Variants in DYRK1A observed in about 807,000 individuals in gnomAD.
DYRK1A encodes dual specificity tyrosine-phosphorylation-regulated kinase 1A.
In DYRK1A, 9 loss-of-function variants were observed where a neutral mutation model predicts 79.7. The ratio of observed to expected loss-of-function variants is 0.11; its 90% confidence interval spans 0.07 to 0.20. The LOEUF (loss-of-function observed/expected upper bound fraction) is 0.20. DYRK1A is among the 10% of genes least tolerant of loss of function. The pLI, the probability that DYRK1A is intolerant of heterozygous loss-of-function variation, is 1.00. For missense variants in DYRK1A, 622 were observed against 956.0 expected, an observed-to-expected ratio of 0.65 and a Z score of 4.61; for synonymous variants, 349 against 329.7, an observed-to-expected ratio of 1.06 and a Z score of -0.63.
chr21:37,487,529 T>G (rs2052915421), intron 6 of DYRK1A: 1 of 152,150 alleles, frequency 6.6e-6, no homozygotes, highest in African/African-American at 2.4e-5. Context: ...ATGCCATCAA[T>G]CGAAGATACA....
chr21:37,436,066 A>G (rs879319238), intron 2 of DYRK1A, among the ~76,000 whole-genome samples: 6 of 152,212 alleles, frequency 3.9e-5, no homozygotes, highest in Non-Finnish European at 7.3e-5. Context: ...TAAAAATTCA[A>G]GATGACCATA....
chr21:37,449,787 T>C (rs553100360), intron 2 of DYRK1A, among the ~76,000 whole-genome samples: 4 of 152,206 alleles, frequency 2.6e-5, no homozygotes, highest in Non-Finnish European at 5.9e-5. Flanking sequence ...TATCCTGTTT[T>C]TGAGGTGATG....
intron 1 of DYRK1A, among the ~76,000 whole-genome samples, chr21:37,403,779 G>A (rs753186636): frequency 6.0e-5 from 9 of 150,024 alleles, no homozygotes; most frequent in African/African-American, 9.8e-5. Flanking sequence ...TGCTTCCCTT[G>A]GAACTTTTGA....
In DYRK1A at chr21:37,519,797, A is replaced by G. The variant is rs1474258512; in HGVS notation, c.*7266A>G. The stretch of plus-strand genomic sequence containing the variant: ...CGCTCTGTCGCCCAGGCTGGAGTGC[A>G]GTGGCGCGATCTCGGCTCACTGCAA... On this transcript the variant is annotated 3_prime_UTR_variant, in exon 12 of 12. Transcript: ENST00000647188. The G allele has an allele frequency of 1.9e-5, 2 of 106,978 alleles. No individual in the cohort carries two copies. Among genetic ancestry groups the G allele is most frequent in the Non-Finnish European group, 3.5e-5 (2 of 56,354 alleles). 6.6% of individuals were successfully genotyped at this position (106,978 alleles called of 1,614,324 possible).
chr21:37,484,016 C>A (rs1309754938), intron 5 of DYRK1A, among the ~76,000 whole-genome samples: 1 of 152,156 alleles, frequency 6.6e-6, no homozygotes, highest in East Asian at 1.9e-4. Context: ...CCAACCCGGG[C>A]TACACAGCAG....
At chr21:37,443,299 G>A (rs538040426) in intron 2 of DYRK1A, among the ~76,000 whole-genome samples, 3 of 152,064 alleles carry the variant, frequency 2.0e-5, no homozygotes, top group African/African-American at 4.8e-5. Context: ...TTGAGCCACC[G>A]CTCCTGGCCA....
At chr21:37,385,857 G>A (rs2049749768) in intron 1 of DYRK1A, among the ~76,000 whole-genome samples, 1 of 152,132 alleles carries the variant, frequency 6.6e-6, no homozygotes, top group African/African-American at 2.4e-5. Flanking sequence ...AATTTGCTCT[G>A]CAAACCATTC....
chr21:37,457,754 T>C (rs1017180175), intron 2 of DYRK1A, among the ~76,000 whole-genome samples: 25 of 152,332 alleles, frequency 1.6e-4, no homozygotes, highest in Middle Eastern at 3.4e-3. Context: ...AACAGCTGTT[T>C]AGCTAGAACT....
chr21:37,404,906 G>A (rs2050120216), intron 1 of DYRK1A, among the ~76,000 whole-genome samples: 1 of 152,194 alleles, frequency 6.6e-6, no homozygotes. Flanking sequence ...AGCATGGCTG[G>A]GGTGGGATTG....
At chr21:37,392,253 C>T (rs1014854278) in intron 1 of DYRK1A, among the ~76,000 whole-genome samples, 1 of 152,206 alleles carries the variant, frequency 6.6e-6, no homozygotes, top group African/African-American at 2.4e-5. Context: ...CTGACGTACT[C>T]ATCTCAGATG....
At chr21:37,457,013 T>TTTAC (rs149046084) in intron 2 of DYRK1A, among the ~76,000 whole-genome samples, 2,209 of 141,226 alleles carry the variant, frequency 0.016, 33 homozygotes, top group East Asian at 0.021. Flanking sequence ...AAAAAGAAAA[T>TTTAC]TTACTTACTT....
At chr21:37,394,526 T>C (rs768653301) in intron 1 of DYRK1A, among the ~76,000 whole-genome samples, 2 of 152,090 alleles carry the variant, frequency 1.3e-5, no homozygotes, top group Non-Finnish European at 2.9e-5. Flanking sequence ...CTGTTAGGAA[T>C]TGGACTGCAC....
At chr21:37,498,492 G>A (rs1400381530) in intron 9 of DYRK1A, among the ~76,000 whole-genome samples, 1 of 151,934 alleles carries the variant, frequency 6.6e-6, no homozygotes, top group African/African-American at 2.4e-5. Context: ...CAAATGTATT[G>A]TTTTTGGAAA....
intron 11 of DYRK1A, among the ~76,000 whole-genome samples, chr21:37,506,937 C>T (rs2053614569): frequency 6.6e-6 from 1 of 152,128 alleles, no homozygotes; most frequent in African/African-American, 2.4e-5. Context: ...GAAAATCCCA[C>T]ATGCAGCTGT....
intron 2 of DYRK1A, among the ~76,000 whole-genome samples, chr21:37,453,325 A>T (rs948567977): frequency 2.6e-5 from 4 of 152,174 alleles, no homozygotes; most frequent in African/African-American, 9.7e-5. Context: ...GCCACATATG[A>T]CTATTGTTGA....
Position 37,441,230 on chromosome 21 carries a change from A to G in DYRK1A, c.10+20846A>G, listed in dbSNP as rs186030222. On this transcript the variant is annotated intron_variant, in intron 2 of 11. Transcript: ENST00000647188. ...TCTGTCTTAATTTTGATAGCATGAT[A>G]TATCTTTTCCCAGATGTTTACTTTT... Among the ~76,000 whole-genome samples the G allele has an allele frequency of 7.9e-5, 12 of 152,274 alleles. No individual in the cohort carries two copies. In the East Asian group the frequency reaches 1.3e-3, roughly 17 times the overall value.
rs1309216180 is a variant in DYRK1A at position 37,517,485 on chromosome 21, T to G, written c.*4954T>G. The G allele has an allele frequency of 6.6e-6, 1 of 152,232 alleles. No homozygotes were observed. Among genetic ancestry groups the G allele is most frequent in the Non-Finnish European group, 1.5e-5 (1 of 68,040 alleles). The allele number at this position is 152,232 out of a possible 1,614,324, so 9.4% of individuals were successfully genotyped here. A position where few individuals can be genotyped will look rare whatever the true frequency, so the allele number is the denominator to read the frequency against. On this transcript the variant is annotated 3_prime_UTR_variant, in exon 12 of 12. Coordinates refer to ENST00000647188, the MANE Select transcript of DYRK1A (RefSeq NM_001347721.2). ...TTTTTTTCTTTATTCTTGTAAAGTT[T>G]TGCTTCCATTATATACTCATTCATT...
At chr21:37,407,960 G>A (rs1489079804) in intron 1 of DYRK1A, among the ~76,000 whole-genome samples, 1 of 151,978 alleles carries the variant, frequency 6.6e-6, no homozygotes, top group African/African-American at 2.4e-5. Flanking sequence ...GCTCCCTGAA[G>A]TTTCACATTA....
Position 37,496,646 on chromosome 21 carries a change from ATTTT to A in DYRK1A, c.1212+397_1212+400del, listed in dbSNP as rs532759831. ...ACAGAAGTCACAATTGGAGTAAATG[ATTTT>A]TTTTTTTTAAGTTCAGTTGGTAAAT... On this transcript the variant is annotated intron_variant, in intron 9 of 11. Transcript: ENST00000647188. Among the ~76,000 whole-genome samples the A allele has an allele frequency of 9.5e-3, 1,401 of 147,558 alleles. 14 individuals carry two copies. The highest frequency in any genetic ancestry group is 0.02 in the South Asian group (95 of 4,670).
Sources: allele counts gnomAD v4.1 joint callset (sites outside exome capture counted in the v4.1 genomes callset), GRCh38; gene constraint gnomAD v4.1.1; transcripts MANE v1.5; gene names NCBI Gene and HGNC (gene_info 2026-07-23, HGNC 2026-07-21).